Variants in PCDH11X observed in about 807,000 individuals in gnomAD.
PCDH11X encodes the protein protocadherin 11 X-linked.
In PCDH11X, 18 loss-of-function variants were observed where a neutral mutation model predicts 53.3. That is an observed-to-expected ratio of 0.34 (90% CI 0.23 to 0.50). PCDH11X has a LOEUF of 0.50. Among genes scored for constraint, PCDH11X ranks in the 20% least tolerant of loss-of-function variants. The pLI, the probability that PCDH11X is intolerant of heterozygous loss-of-function variation, is 0.98. For synonymous variants in PCDH11X, 279 were observed against 393.3 expected, an observed-to-expected ratio of 0.71 and a Z score of 3.44; for missense variants, 570 against 1,032.4, an observed-to-expected ratio of 0.55 and a Z score of 6.14.
chrX:92,324,272 G>T (rs1170946659), intron 8 of PCDH11X, among the ~76,000 whole-genome samples: 1 of 111,269 alleles, frequency 9.0e-6, no homozygotes, highest in Non-Finnish European at 1.9e-5. Flanking sequence ...CATGCTTGAG[G>T]CCACCCCAGG....
At chrX:91,996,372 C>T (rs1341170255) in intron 6 of PCDH11X, among the ~76,000 whole-genome samples, 1 of 85,103 alleles carries the variant, frequency 1.2e-5, no homozygotes, top group Non-Finnish European at 2.2e-5. Context: ...TGGTCTCGAA[C>T]TCCTGACCTC....
chrX:91,789,200 C>CAAAAAAAAAAAAAAAAAA (rs764959497), intron 1 of PCDH11X, among the ~76,000 whole-genome samples: 9 of 47,177 alleles, frequency 1.9e-4, no homozygotes, highest in East Asian at 6.5e-4. Context: ...GACTCCGTCT[C>CAAAAAAAAAAAAAAAAAA]AAAAAAAAAA....
intron 6 of PCDH11X, among the ~76,000 whole-genome samples, chrX:92,087,374 G>A (rs1402295441): frequency 9.2e-6 from 1 of 108,939 alleles, no homozygotes; most frequent in Non-Finnish European, 1.9e-5. Flanking sequence ...TTACAGGCGT[G>A]AGCCACCGTG....
rs1291624169 is a variant in PCDH11X, at chrX:92,306,105, G to A, written c.3144+42962G>A. ...CAATTGAATGAAACTAGAAATCAACGATAGAAGGAAAATCCAAAATATGTG... is the reference window on the plus strand; with the variant it reads ...CAATTGAATGAAACTAGAAATCAACAATAGAAGGAAAATCCAAAATATGTG... On this transcript the variant is annotated intron_variant, in intron 8 of 10. Coordinates refer to ENST00000682573, the MANE Select transcript of PCDH11X (RefSeq NM_032968.5). 2.7e-5 allele frequency among the ~76,000 whole-genome samples: 3 copies of A among 111,226 alleles called. No homozygotes were observed. The Admixed American group carries it at 2.9e-4, about 11-fold the overall frequency.
At chrX:92,180,005 G>T (rs1262280684) in intron 6 of PCDH11X, among the ~76,000 whole-genome samples, 1 of 111,705 alleles carries the variant, frequency 9.0e-6, no homozygotes, top group Non-Finnish European at 1.9e-5. Flanking sequence ...TTCTCATACT[G>T]CTATAAAGAA....
intron 9 of PCDH11X, among the ~76,000 whole-genome samples, chrX:92,417,672 T>G (rs1474827381): frequency 2.7e-5 from 3 of 110,901 alleles, no homozygotes; most frequent in Non-Finnish European, 5.7e-5. Context: ...TAAAAATGAC[T>G]GGTGGAAAAG....
intron 6 of PCDH11X, among the ~76,000 whole-genome samples, chrX:92,012,992 A>G (rs2062719344): frequency 9.0e-6 from 1 of 111,642 alleles, no homozygotes; most frequent in Non-Finnish European, 1.9e-5. Flanking sequence ...GCCCTCTCTC[A>G]CCACTCCTTT....
intron 8 of PCDH11X, among the ~76,000 whole-genome samples, chrX:92,274,432 AC>A (rs1352331105): frequency 9.0e-6 from 1 of 111,274 alleles, no homozygotes; most frequent in African/African-American, 3.3e-5. Flanking sequence ...GGAAGGCTAA[AC>A]GGAGGAATTA....
intron 10 of PCDH11X, among the ~76,000 whole-genome samples, chrX:92,505,164 TTTG>T (rs2074031827): frequency 1.8e-5 from 1 of 56,136 alleles, no homozygotes; most frequent in Non-Finnish European, 4.4e-5. Flanking sequence ...TTTTTTTTTT[TTTG>T]TTTTTTTTTG....
chrX:91,829,819 A>G (rs1165263050), intron 4 of PCDH11X, among the ~76,000 whole-genome samples: 2 of 111,506 alleles, frequency 1.8e-5, no homozygotes, highest in African/African-American at 6.5e-5. Context: ...AAATGAAATA[A>G]CTGATTTGAA....
chrX:92,541,130 T>A (rs186817034), intron 10 of PCDH11X, among the ~76,000 whole-genome samples: 95 of 109,134 alleles, frequency 8.7e-4, no homozygotes, highest in African/African-American at 2.9e-3. Flanking sequence ...AGGAATTGTA[T>A]TCCTTGTGTC....
chrX:91,787,418 A>G (rs1324981673), intron 1 of PCDH11X, among the ~76,000 whole-genome samples: 1 of 110,513 alleles, frequency 9.0e-6, no homozygotes, highest in East Asian at 2.8e-4. Flanking sequence ...CAGATTACAA[A>G]CTCGTTTCAG....
chrX:92,020,583 T>G lies in PCDH11X; in HGVS notation c.3033+141310T>G, dbSNP rs773401523. On this transcript the variant is annotated intron_variant, in intron 6 of 10. Coordinates refer to ENST00000682573, the MANE Select transcript of PCDH11X (RefSeq NM_032968.5). ...CCTAGGGGGAGGGGTGGCCTCAGTC[T>G]CTGTGGACCAGCAGACATAGTCTTT... is the stretch of plus-strand genomic sequence containing the variant. Among the ~76,000 whole-genome samples the G allele has an allele frequency of 4.8e-4, 54 of 111,699 alleles. No individual in the cohort carries two copies. In the Middle Eastern group the frequency reaches 0.023, roughly 48 times the overall value.
At chrX:92,415,004 C>G (rs1372944155) in intron 9 of PCDH11X, among the ~76,000 whole-genome samples, 2 of 110,840 alleles carry the variant, frequency 1.8e-5, no homozygotes, top group Non-Finnish European at 3.8e-5. Flanking sequence ...AGTACAGACT[C>G]TCATTTCTAA....
chrX:92,441,516 G>A lies in PCDH11X; in HGVS notation c.3344-26783G>A, dbSNP rs1038256896. On this transcript the variant is annotated intron_variant, in intron 9 of 10. Coordinates refer to ENST00000682573, the MANE Select transcript of PCDH11X (RefSeq NM_032968.5). ...CCAGTCATGGCTGAAAGGGGCCAAGGTAGAGTTTGGGCCATGGCTTCAGAG... is the reference window on the plus strand; with the variant it reads ...CCAGTCATGGCTGAAAGGGGCCAAGATAGAGTTTGGGCCATGGCTTCAGAG... Among the ~76,000 whole-genome samples the A allele has an allele frequency of 3.6e-5, 4 of 112,234 alleles. No individual in the cohort carries two copies. The South Asian group carries it at 1.1e-3, about 31-fold the overall frequency.
At chrX:91,806,761 A>C (rs1936119879) in intron 1 of PCDH11X, among the ~76,000 whole-genome samples, 1 of 112,113 alleles carries the variant, frequency 8.9e-6, no homozygotes, top group Non-Finnish European at 1.9e-5. Flanking sequence ...TACCATTGAC[A>C]GGGGCTAGTG....
chrX:92,553,555 C>A (rs4020583), intron 10 of PCDH11X, among the ~76,000 whole-genome samples: 42,239 of 107,387 alleles, frequency 0.39, 6,439 homozygotes, highest in Non-Finnish European at 0.47. Context: ...GTATTGTTTT[C>A]ATTTTAATTT....
chrX:92,503,174 A>G (rs1290435501), intron 10 of PCDH11X, among the ~76,000 whole-genome samples: 1 of 107,117 alleles, frequency 9.3e-6, no homozygotes, highest in Admixed American at 1.0e-4. Context: ...AACCACAATG[A>G]TATACCATCT....
intron 8 of PCDH11X, among the ~76,000 whole-genome samples, chrX:92,305,941 G>T (rs2068819760): frequency 9.4e-6 from 1 of 106,666 alleles, no homozygotes; most frequent in South Asian, 4.2e-4. Context: ...AACAGGTTTT[G>T]TGTTTTTTTA....
Sources: gnomAD v4.1 joint callset for allele counts (sites outside exome capture counted in the v4.1 genomes callset) on GRCh38, gnomAD v4.1.1 for gene constraint, MANE v1.5 for transcripts, NCBI Gene and HGNC (gene_info 2026-07-23, HGNC 2026-07-21) for gene names.